Variants in TAFA2 observed in about 807,000 individuals in gnomAD.
TAFA2 encodes the protein chemokine-like protein TAFA-2.
TAFA2 carries 7 observed loss-of-function variants against 18.8 expected under a neutral mutation model. The ratio of observed to expected loss-of-function variants is 0.37; its 90% CI spans 0.21 to 0.70. TAFA2 has a LOEUF of 0.70. Ranked by LOEUF, TAFA2 falls within the 30% of genes least tolerant of loss-of-function variation. The pLI, the probability that TAFA2 is intolerant of heterozygous loss-of-function variation, is 0.53. For synonymous variants in TAFA2, 60 were observed against 54.2 expected (o/e 1.11, Z -0.47); for missense variants, 122 against 158.1 (o/e 0.77, Z 1.23).
At chr12:61,931,496 A>C (rs1877552902) in intron 1 of TAFA2, among the ~76,000 whole-genome samples, 1 of 152,218 alleles carries the variant, frequency 6.6e-6, no homozygotes, top group African/African-American at 2.4e-5. Flanking sequence ...TATTCTACGG[A>C]AACAGTGAAT....
chr12:62,233,935 G>A (rs1293739211), intron 1 of TAFA2, among the ~76,000 whole-genome samples: 1 of 152,154 alleles, frequency 6.6e-6, no homozygotes, highest in Non-Finnish European at 1.5e-5. Context: ...CCAAGGCTGT[G>A]GGCTTCTCTA....
chr12:62,057,065 T>C (rs1882206964), intron 1 of TAFA2, among the ~76,000 whole-genome samples: 1 of 152,206 alleles, frequency 6.6e-6, no homozygotes, highest in African/African-American at 2.4e-5. Flanking sequence ...AAATTATTTG[T>C]TTTTGAAGGT....
chr12:61,913,403 C>T (rs916097216), intron 1 of TAFA2, among the ~76,000 whole-genome samples: 1 of 152,106 alleles, frequency 6.6e-6, no homozygotes, highest in African/African-American at 2.4e-5. Flanking sequence ...ACCCAATAAT[C>T]CCTGAAGGTA....
intron 1 of TAFA2, among the ~76,000 whole-genome samples, chr12:62,032,595 CTGATT>C (rs1881488644): frequency 6.6e-6 from 1 of 152,084 alleles, no homozygotes. Context: ...CATTATCTGT[CTGATT>C]TATTTGTTTA....
intron 1 of TAFA2, among the ~76,000 whole-genome samples, chr12:62,111,801 T>A (rs984678549): frequency 2.6e-5 from 4 of 152,216 alleles, no homozygotes; most frequent in African/African-American, 9.7e-5. Flanking sequence ...GAGAGTAGGA[T>A]TGCAACCCCT....
At chr12:61,823,452 C>T (rs2121058995) in intron 2 of TAFA2, among the ~76,000 whole-genome samples, 1 of 152,304 alleles carries the variant, frequency 6.6e-6, no homozygotes, top group South Asian at 2.1e-4. Flanking sequence ...AAATTACAGG[C>T]ACCCATTAAC....
intron 1 of TAFA2, among the ~76,000 whole-genome samples, chr12:62,072,478 T>C (rs1882657388): frequency 6.9e-6 from 1 of 144,526 alleles, no homozygotes; most frequent in Non-Finnish European, 1.5e-5. Flanking sequence ...CAAAAAATAA[T>C]AATAATAATA....
chr12:61,863,261 G>T (rs1157277114), intron 2 of TAFA2, among the ~76,000 whole-genome samples: 1 of 152,130 alleles, frequency 6.6e-6, no homozygotes, highest in African/African-American at 2.4e-5. Context: ...TAAATGTAAA[G>T]GTCCCTGATG....
intron 1 of TAFA2, among the ~76,000 whole-genome samples, chr12:62,006,732 T>C (rs1291096302): frequency 1.3e-5 from 2 of 152,142 alleles, no homozygotes; most frequent in African/African-American, 4.8e-5. Flanking sequence ...GTCATTTAAA[T>C]GGAAGTCACC....
chr12:62,027,069 T>C (rs764354724), intron 1 of TAFA2, among the ~76,000 whole-genome samples: 1 of 152,168 alleles, frequency 6.6e-6, no homozygotes, highest in Admixed American at 6.6e-5. Context: ...ACAATAATTA[T>C]TCCTAATTTT....
At chr12:62,232,311 C>T (rs1185704554) in intron 1 of TAFA2, among the ~76,000 whole-genome samples, 4 of 152,140 alleles carry the variant, frequency 2.6e-5, no homozygotes, top group African/African-American at 9.7e-5. Flanking sequence ...ACTGATATGT[C>T]CCTTTCTCTC....
At chr12:62,139,055 G>T (rs1321227718) in intron 1 of TAFA2, among the ~76,000 whole-genome samples, 1 of 152,128 alleles carries the variant, frequency 6.6e-6, no homozygotes, top group East Asian at 1.9e-4. Context: ...TGTTAGATAT[G>T]GTTAAATGCT....
Position 61,851,548 on chromosome 12 carries a change from G to A in TAFA2, c.106+15772C>T, listed in dbSNP as rs376318811. 1.6e-3 allele frequency among the ~76,000 whole-genome samples: 240 copies of A among 151,708 alleles called. 1 individual carries two copies. The highest frequency in any genetic ancestry group is 6.8e-3 in the Middle Eastern group (2 of 294). On this transcript the variant is annotated intron_variant, in intron 2 of 4. Transcript: ENST00000416284. ...TCCCAGCACTTTGGGAGGCCGAGGC[G>A]GGTGGATCACGAGGTCAGGAAATCG...
chr12:61,879,266 TC>T (rs2121264749), intron 1 of TAFA2: 1 of 419,606 alleles, frequency 2.4e-6, no homozygotes, highest in East Asian at 4.6e-5. Context: ...CTCCACTCCT[TC>T]TCGAATCTCC....
intron 2 of TAFA2, among the ~76,000 whole-genome samples, chr12:61,786,692 T>G (rs1249670187): frequency 6.6e-6 from 1 of 151,448 alleles, no homozygotes; most frequent in Non-Finnish European, 1.5e-5. Flanking sequence ...AATGAAACAA[T>G]ACACTAGATA....
At chr12:62,025,686 GC>G (rs1179435116) in intron 1 of TAFA2, among the ~76,000 whole-genome samples, 1 of 151,970 alleles carries the variant, frequency 6.6e-6, no homozygotes, top group Admixed American at 6.6e-5. Context: ...GTTTTAACTT[GC>G]TTTGTGTAAC....
intron 1 of TAFA2, among the ~76,000 whole-genome samples, chr12:62,048,335 A>C (rs1565727729): frequency 1.3e-5 from 2 of 152,310 alleles, no homozygotes; most frequent in Non-Finnish European, 2.9e-5. Context: ...GCCTCTTATA[A>C]AACTATCAGA....
In TAFA2 at chr12:62,068,701, T is replaced by C. The variant is rs186554700; in HGVS notation, c.-2+122558A>G. ...TCAAAAAACCAATTTAGAAGATTTC[T>C]CCTTTACCAAGCCTAAAATTATTTT... On this transcript the variant is annotated intron_variant, in intron 1 of 4. Coordinates refer to ENST00000416284, the MANE Select transcript of TAFA2 (RefSeq NM_178539.5). Among the ~76,000 whole-genome samples the C allele has an allele frequency of 1.1e-4, 16 of 152,266 alleles. 1 individual carries two copies. The highest frequency in any genetic ancestry group is 9.2e-4 in the Admixed American group (14 of 15,288).
intron 1 of TAFA2, among the ~76,000 whole-genome samples, chr12:61,887,432 T>A (rs1592461842): frequency 6.7e-6 from 1 of 149,034 alleles, no homozygotes; most frequent in Non-Finnish European, 1.5e-5. Context: ...TGTGAGCTAA[T>A]TGCTTTTTTT....
Sources: gnomAD v4.1 joint callset for allele counts (sites outside exome capture counted in the v4.1 genomes callset) on GRCh38, gnomAD v4.1.1 for gene constraint, MANE v1.5 for transcripts, NCBI Gene and HGNC (gene_info 2026-07-23, HGNC 2026-07-21) for gene names.